PDCD6IP: variants seen among roughly 807,000 people sequenced by gnomAD.
The protein encoded by PDCD6IP is programmed cell death 6-interacting protein.
A neutral mutation model predicts 103.7 loss-of-function variants in PDCD6IP; 43 were observed. The observed-to-expected ratio is 0.41, with a 90% CI of 0.32 to 0.53. PDCD6IP has a LOEUF of 0.53. Ranked by LOEUF, PDCD6IP falls within the 20% of genes least tolerant of loss-of-function variation. The probability of loss-of-function intolerance (pLI) is 0.16; values close to 1 mark genes in which losing one functional copy is unlikely to be tolerated. For synonymous variants in PDCD6IP, 354 were observed against 378.7 expected, an observed-to-expected ratio of 0.93 and a Z score of 0.76; for missense variants, 871 against 1,036.7, an observed-to-expected ratio of 0.84 and a Z score of 2.20.
Position 33,828,836 on chromosome 3 carries a change from A to G in PDCD6IP, c.718-17A>G. ...TGTGTGGTTGGACTCTCCCCTGGTC[A>G]GTATTTTTATTTCCAGGAGGTGTTC... On this transcript the variant is annotated splice_polypyrimidine_tract_variant and intron_variant, in intron 6 of 17. Transcript: ENST00000307296. The G allele has an allele frequency of 1.2e-6, 2 of 1,612,626 alleles. No individual in the cohort carries two copies. The highest frequency in any genetic ancestry group is 1.1e-5 in the South Asian group (1 of 90,976).
chr3:33,820,323 C>G (rs183736718), intron 3 of PDCD6IP, among the ~76,000 whole-genome samples: 1 of 152,016 alleles, frequency 6.6e-6, no homozygotes, highest in African/African-American at 2.4e-5. Flanking sequence ...CTTCCCTCCC[C>G]CCTCAACCCT....
intron 7 of PDCD6IP, among the ~76,000 whole-genome samples, chr3:33,833,281 G>T (rs997744470): frequency 1.3e-5 from 2 of 151,946 alleles, no homozygotes; most frequent in South Asian, 2.1e-4. Context: ...AGTTTTCCCT[G>T]ATTTTTTTCT....
chr3:33,807,294 T>C (rs1696619814), intron 1 of PDCD6IP, among the ~76,000 whole-genome samples: 1 of 152,204 alleles, frequency 6.6e-6, no homozygotes, highest in African/African-American at 2.4e-5. Context: ...GCTGCCTGTT[T>C]TTGTATGGCC....
chr3:33,820,103 G>A (rs1696955187), intron 3 of PDCD6IP, among the ~76,000 whole-genome samples: 1 of 152,152 alleles, frequency 6.6e-6, no homozygotes, highest in Non-Finnish European at 1.5e-5. Flanking sequence ...AGGCAACATA[G>A]TGAGTCCCTG....
chr3:33,856,856 TAA>T (rs1228348124), intron 15 of PDCD6IP, among the ~76,000 whole-genome samples: 2 of 152,192 alleles, frequency 1.3e-5, no homozygotes, highest in Non-Finnish European at 2.9e-5. Flanking sequence ...TATCATATAG[TAA>T]ATACATGCTA....
intron 15 of PDCD6IP, among the ~76,000 whole-genome samples, chr3:33,862,644 A>G (rs1256490376): frequency 6.6e-6 from 1 of 152,204 alleles, no homozygotes; most frequent in Non-Finnish European, 1.5e-5. Flanking sequence ...AAAATATTTC[A>G]ACGCCACATT....
At chr3:33,806,837 A>G (rs576492430) in intron 1 of PDCD6IP, among the ~76,000 whole-genome samples, 1 of 152,300 alleles carries the variant, frequency 6.6e-6, no homozygotes, top group Admixed American at 6.5e-5. Context: ...TGGTAGTTGG[A>G]TCTCCTGGAA....
chr3:33,803,287 TC>T (rs1435560956), intron 1 of PDCD6IP, among the ~76,000 whole-genome samples: 1 of 152,224 alleles, frequency 6.6e-6, no homozygotes, highest in Admixed American at 6.5e-5. Context: ...ACTTTATTCT[TC>T]CATATCCTTG....
chr3:33,848,552 G>A (rs1284577901), intron 12 of PDCD6IP, among the ~76,000 whole-genome samples: 3 of 152,092 alleles, frequency 2.0e-5, no homozygotes, highest in Non-Finnish European at 4.4e-5. Context: ...CTACAGGCAT[G>A]TGCTACTGTG....
intron 1 of PDCD6IP, among the ~76,000 whole-genome samples, chr3:33,807,690 G>A (rs9854285): frequency 0.015 from 2,329 of 152,112 alleles, 25 homozygotes; most frequent in South Asian, 0.027. Context: ...TTTCTTTGGA[G>A]AATGTCTCCA....
intron 1 of PDCD6IP, among the ~76,000 whole-genome samples, chr3:33,801,752 C>T (rs1402645414): frequency 6.6e-6 from 1 of 152,152 alleles, no homozygotes; most frequent in Non-Finnish European, 1.5e-5. Context: ...GGGAACCCTG[C>T]TGGTTTTTTA....
At chr3:33,810,878 G>C (rs1696700906) in intron 1 of PDCD6IP, among the ~76,000 whole-genome samples, 1 of 150,494 alleles carries the variant, frequency 6.6e-6, no homozygotes, top group South Asian at 2.1e-4. Flanking sequence ...CTAACCTTCT[G>C]CCTTCTCATG....
intron 12 of PDCD6IP, among the ~76,000 whole-genome samples, chr3:33,849,852 G>A (rs1299491380): frequency 6.6e-6 from 1 of 152,124 alleles, no homozygotes; most frequent in African/African-American, 2.4e-5. Flanking sequence ...TTAAAAAGAT[G>A]TTCATAATAT....
chr3:33,810,302 AT>A, intron 1 of PDCD6IP, among the ~76,000 whole-genome samples: 1 of 151,890 alleles, frequency 6.6e-6, no homozygotes, highest in Non-Finnish European at 1.5e-5. Flanking sequence ...TTTTACTGTT[AT>A]TTTATTTAGA....
chr3:33,808,313 G>T (rs910426780), intron 1 of PDCD6IP, among the ~76,000 whole-genome samples: 1 of 152,134 alleles, frequency 6.6e-6, no homozygotes, highest in Non-Finnish European at 1.5e-5. Context: ...TCACGCCATG[G>T]CCCATCCTGG....
chr3:33,812,501 T>TA (rs1696742174), intron 2 of PDCD6IP, among the ~76,000 whole-genome samples: 1 of 152,260 alleles, frequency 6.6e-6, no homozygotes, highest in African/African-American at 2.4e-5. Flanking sequence ...TCGCACAAGT[T>TA]ACATTTGCAT....
chr3:33,834,983 A>G (rs1463091761), intron 7 of PDCD6IP, among the ~76,000 whole-genome samples: 1 of 152,154 alleles, frequency 6.6e-6, no homozygotes, highest in Non-Finnish European at 1.5e-5. Flanking sequence ...TAAATGTGTC[A>G]ATTTCTCATT....
chr3:33,801,640 C>A (rs1575893919), intron 1 of PDCD6IP, among the ~76,000 whole-genome samples: 1 of 139,934 alleles, frequency 7.1e-6, no homozygotes. Flanking sequence ...AACAAAACAA[C>A]AACAACAAAA....
intron 14 of PDCD6IP, among the ~76,000 whole-genome samples, chr3:33,854,243 GGGTATAAATATTCCA>G (rs1405227534): frequency 6.6e-6 from 1 of 152,172 alleles, no homozygotes; most frequent in African/African-American, 2.4e-5. Context: ...GGCAGAAAAG[GGGTATAAATATTCCA>G]GGTAGCAGGA....
Sources: gnomAD v4.1 joint callset for allele counts (sites outside exome capture counted in the v4.1 genomes callset) on GRCh38, gnomAD v4.1.1 for gene constraint, MANE v1.5 for transcripts, NCBI Gene and HGNC (gene_info 2026-07-23, HGNC 2026-07-21) for gene names.